The following FLT4 variants were observed in gnomAD, a reference collection of about 807,000 sequenced individuals.
FLT4 encodes the protein fms related receptor tyrosine kinase 4, also known as vascular endothelial growth factor receptor 3.
FLT4 carries 30 observed loss-of-function variants against 163.2 expected under a neutral mutation model. That is an observed-to-expected ratio of 0.18 (90% CI 0.14 to 0.25). The LOEUF (loss-of-function observed/expected upper bound fraction) is 0.25, where lower values mean the gene tolerates loss of function less well. FLT4 is among the 10% of genes least tolerant of loss of function. FLT4 has a pLI of 1.00. For missense variants in FLT4, 1,510 were observed against 1,863.8 expected (o/e 0.81, Z 3.50); for synonymous variants, 884 against 789.5 (o/e 1.12, Z -2.01).
At chr5:180,626,938 C>G (rs923237251) in intron 8 of FLT4, among the ~76,000 whole-genome samples, 1 of 152,248 alleles carries the variant, frequency 6.6e-6, no homozygotes, top group Non-Finnish European at 1.5e-5. Flanking sequence ...CCTGACTGTC[C>G]TATGCTGTGG....
rs1444878627 is a variant in FLT4, at chr5:180,631,792, C to G, written c.59-14G>C. 1 of 1,589,242 alleles carries G rather than the reference C, an allele frequency of 6.3e-7. No homozygotes were observed. The highest frequency in any genetic ancestry group is 8.6e-7 in the Non-Finnish European group (1 of 1,163,154). On this transcript the variant is annotated splice_polypyrimidine_tract_variant and intron_variant, in intron 1 of 29. Coordinates refer to ENST00000261937, the MANE Select transcript of FLT4 (RefSeq NM_182925.5). ...CACTCACCAGGCCTGGGGTGGGAGA[C>G]AGGGTCAGCGTGGTGCTGGGCTGTG...
In FLT4 at chr5:180,621,652, C is replaced by T. The variant is rs772355537; in HGVS notation, c.1910G>A (p.Ser637Asn). Residue 637 changes from serine (S) to asparagine (N), a missense_variant, in exon 13 of 30, where the codon AGC becomes AAC. Physicochemically the swap from Ser to Asn is conservative, Grantham distance 46 (BLOSUM62 1). Around this residue, in one of 5 missense-constraint regions of FLT4, gnomAD observed 878 missense variants for 1,016.7 expected, o/e 0.86. Coordinates refer to ENST00000261937, the MANE Select transcript of FLT4 (RefSeq NM_182925.5). Reference protein sequence around the residue: ...VAPGARHATLSLSIPRVAPEH... With the variant: ...VAPGARHATLNLSIPRVAPEH... ...GGGCGCGACGCGGGGGATACTCAGG[C>T]TGAGCGTGGCGTGGCGCGCCCCAGG... The T allele has an allele frequency of 1.2e-6, 2 of 1,608,406 alleles. No individual in the cohort carries two copies. The highest frequency in any genetic ancestry group is 1.1e-5 in the South Asian group (1 of 90,910).
chr5:180,645,038 G>T (rs1416197088), intron 1 of FLT4, among the ~76,000 whole-genome samples: 1 of 152,214 alleles, frequency 6.6e-6, no homozygotes, highest in African/African-American at 2.4e-5. Context: ...GTGGGTGGAG[G>T]CTGGGTGGAC....
Position 180,625,969 on chromosome 5 carries a change from G to C in FLT4, c.1321C>G (p.Gln441Glu). 2 of 1,612,818 alleles carry C rather than the reference G, an allele frequency of 1.2e-6. No individual in the cohort carries two copies. Among genetic ancestry groups the C allele is most frequent in the Non-Finnish European group, 1.7e-6 (2 of 1,179,978 alleles). The change falls in exon 10 of 30, where the codon CAG becomes GAG. Residue 441 changes from glutamine to glutamate, a missense_variant. Gln to Glu is a conservative substitution (Grantham distance 29). Around this residue, in one of 5 missense-constraint regions of FLT4, gnomAD observed 878 missense variants for 1,016.7 expected, o/e 0.86. Coordinates refer to ENST00000261937, the MANE Select transcript of FLT4 (RefSeq NM_182925.5). The stretch of plus-strand genomic sequence containing the variant: ...CCGTAGGCCGTGCAGGTGAGGGCCT[G>C]GCGGCTGTGACGCGAGTAGATGCTG... ...SPSIYSRHSR[Q>E]ALTCTAYGVP...
intron 25 of FLT4, 91 bp downstream of exon 25, chr5:180,612,920 G>A: frequency 2.0e-6 from 2 of 979,038 alleles, no homozygotes; most frequent in Non-Finnish European, 3.2e-6. Flanking sequence ...TACTGGCCCT[G>A]GCTTCCCTGA....
intron 1 of FLT4, among the ~76,000 whole-genome samples, chr5:180,632,311 G>A (rs540506119): frequency 3.9e-5 from 6 of 152,290 alleles, no homozygotes; most frequent in South Asian, 2.1e-4. Context: ...CAGGGGCCTC[G>A]CCCCTTCCCA....
At chr5:180,622,650 GA>G in intron 12 of FLT4, 80 bp downstream of exon 12, 1 of 838,572 alleles carries the variant, frequency 1.2e-6, no homozygotes, top group Non-Finnish European at 2.1e-6. Flanking sequence ...GTGTCCCAAA[GA>G]CCCCAGAAAC....
chr5:180,647,878 C>A (rs906250716), intron 1 of FLT4, among the ~76,000 whole-genome samples: 7 of 152,172 alleles, frequency 4.6e-5, no homozygotes, highest in African/African-American at 1.7e-4. Context: ...CTTCACCCCA[C>A]GTCCCTCTGT....
At chr5:180,642,762 C>A (rs563240625) in intron 1 of FLT4, among the ~76,000 whole-genome samples, 1 of 152,244 alleles carries the variant, frequency 6.6e-6, no homozygotes, top group Non-Finnish European at 1.5e-5. Context: ...ATGAGAATTC[C>A]CAGCGCTGGA....
At chr5:180,643,913 C>T (rs1765326125) in intron 1 of FLT4, among the ~76,000 whole-genome samples, 1 of 152,114 alleles carries the variant, frequency 6.6e-6, no homozygotes, top group Non-Finnish European at 1.5e-5. Context: ...CCTCCGCCTC[C>T]CAGTTTCAAA....
At chr5:180,622,929 C>CG in intron 11 of FLT4, 90 bp from the exon 12 acceptor site, 5 of 751,540 alleles carry the variant, frequency 6.7e-6, no homozygotes, top group Non-Finnish European at 8.9e-6. Flanking sequence ...CTGTGCACCA[C>CG]CCCCCCCAAT....
chr5:180,646,360 C>A (rs1462188400), intron 1 of FLT4, among the ~76,000 whole-genome samples: 1 of 152,190 alleles, frequency 6.6e-6, no homozygotes, highest in Non-Finnish European at 1.5e-5. Context: ...CTCCTTGCTG[C>A]TGGCACTGCC....
Position 180,621,228 on chromosome 5 carries a change from T to C in FLT4, c.2045A>G (p.Gln682Arg), listed in dbSNP as rs534556161. The C allele has an allele frequency of 6.2e-7, 1 of 1,612,574 alleles. No homozygotes were observed. Among genetic ancestry groups the C allele is most frequent in the East Asian group, 2.2e-5 (1 of 44,850 alleles). The change falls in exon 14 of 30, where the codon CAG (glutamine) becomes CGG (arginine). Residue 682 changes from glutamine to arginine, a missense_variant. By Grantham distance (43) the Gln-to-Arg change is conservative. Coordinates refer to ENST00000261937, the MANE Select transcript of FLT4 (RefSeq NM_182925.5). ...VQALEAPRLT[Q>R]NLTDLLVNVS... ...GTTCACCAGGAGGTCGGTCAAGTTC[T>C]GCGTGAGCCGAGGGGCTTCCAGGGC... is the stretch of plus-strand genomic sequence containing the variant.
rs578224143 is a variant in FLT4, at chr5:180,630,388, G to A, written c.401-51C>T. ...GGAAGGGACGTGGCGGCCAGGCTGGGGGAGGGCTCCACGGGGCTGGGTGGT... is the reference window on the plus strand; with the variant it reads ...GGAAGGGACGTGGCGGCCAGGCTGGAGGAGGGCTCCACGGGGCTGGGTGGT... On this transcript the variant is annotated intron_variant, in intron 3 of 29. Transcript: ENST00000261937. The surrounding 1 kb of genome is among the most constrained non-coding windows in gnomAD (Gnocchi z 6.3). 19 of 1,574,584 alleles carry A rather than the reference G, an allele frequency of 1.2e-5. No individual in the cohort carries two copies. The South Asian group carries it at 2.1e-4, about 17-fold the overall frequency.
chr5:180,631,874 C>G, intron 1 of FLT4, 96 bp from the exon 2 acceptor site: 1 of 851,640 alleles, frequency 1.2e-6, no homozygotes, highest in Non-Finnish European at 1.9e-6. Context: ...AGCGCAGACC[C>G]CTGCAGGGCC....
Position 180,626,024 on chromosome 5 carries a change from G to A in FLT4, c.1266C>T (p.Pro422=), listed in dbSNP as rs1391099996. ...AGGAGGCCTCCTTCTCATGTATCTG[G>A]GGGGGCACTGTGGGCACACAGATGG... ...ISLELVVNVP[P]QIHEKEASSP... is the part of the protein sequence containing the mutation. Residue 422 remains proline (P), a synonymous_variant, in exon 10 of 30, where the codon CCC becomes CCT. Coordinates refer to ENST00000261937, the MANE Select transcript of FLT4 (RefSeq NM_182925.5). 1 of 1,612,696 alleles carries A rather than the reference G, an allele frequency of 6.2e-7. No homozygotes were observed. The highest frequency in any genetic ancestry group is 1.7e-5 in the Admixed American group (1 of 60,014).
Position 180,626,205 on chromosome 5 carries a change from C to T in FLT4, c.1164G>A (p.Glu388=). 3 of 1,612,806 alleles carry T rather than the reference C, an allele frequency of 1.9e-6. No individual in the cohort carries two copies. Among genetic ancestry groups the T allele is most frequent in the Non-Finnish European group, 2.5e-6 (3 of 1,179,994 alleles). ...RHSPHALVLK[E]VTEASTGTYT... ...AGGTGCCTGTGCTGGCCTCTGTCAC[C>T]TCCTTGAGCACCAGGGCATGTGGAC... The change falls in exon 9 of 30, where the codon GAG becomes GAA. Residue 388 remains glutamate (E), a synonymous_variant. Transcript: ENST00000261937.
chr5:180,613,414 C>T (rs903294178), intron 24 of FLT4: 7 of 372,620 alleles, frequency 1.9e-5, no homozygotes, highest in Non-Finnish European at 3.4e-5. Flanking sequence ...TCATCAGCGG[C>T]GGGGGAGCCG....
At chr5:180,610,368 C>T (rs962003655) in intron 27 of FLT4, among the ~76,000 whole-genome samples, 4 of 152,236 alleles carry the variant, frequency 2.6e-5, no homozygotes, top group Admixed American at 6.5e-5. Flanking sequence ...TGCAAGCCGC[C>T]GACTGCCCTG....
Sources: gnomAD v4.1 joint callset for allele counts (sites outside exome capture counted in the v4.1 genomes callset) on GRCh38, gnomAD v4.1.1 for gene constraint, gnomAD v4.1.1 regional missense constraint, Gnocchi (gnomAD v3.1) non-coding constraint, MANE v1.5 for transcripts, NCBI Gene and HGNC (gene_info 2026-07-23, HGNC 2026-07-21) for gene names.